Variants in NCAPH observed in about 807,000 individuals in gnomAD.
NCAPH encodes condensin complex subunit 2.
Under a neutral mutation model 85.5 loss-of-function variants are expected in NCAPH, and 38 were observed. That is an observed-to-expected ratio of 0.44 (90% confidence interval 0.34 to 0.58). The LOEUF is 0.58. Ranked by LOEUF, NCAPH falls within the 20% of genes least tolerant of loss-of-function variation. NCAPH has a pLI of 0.01. For missense variants in NCAPH, 789 were observed against 916.6 expected (o/e 0.86, Z 1.80); for synonymous variants, 301 against 335.1 (o/e 0.90, Z 1.11).
intron 1 of NCAPH, 48 bp from the exon 2 acceptor site, chr2:96,341,594 A>G (rs755019505): frequency 3.3e-5 from 53 of 1,582,586 alleles, no homozygotes; most frequent in Non-Finnish European, 4.1e-5. Context: ...TTCTTTGGAT[A>G]TAGGAAATGT....
chr2:96,345,854 C>A (rs950057317), intron 6 of NCAPH, among the ~76,000 whole-genome samples: 1 of 152,100 alleles, frequency 6.6e-6, no homozygotes, highest in Non-Finnish European at 1.5e-5. Flanking sequence ...TCTTGTGGAT[C>A]TGAAATTTTT....
At chr2:96,347,875 G>A (rs372678105) in intron 6 of NCAPH, among the ~76,000 whole-genome samples, 5 of 152,182 alleles carry the variant, frequency 3.3e-5, no homozygotes, top group South Asian at 2.1e-4. Context: ...TGCTGTGCAC[G>A]GGCAGGGAGG....
chr2:96,357,391 A>G (rs1328282314), intron 9 of NCAPH, among the ~76,000 whole-genome samples: 4 of 152,200 alleles, frequency 2.6e-5, no homozygotes, highest in African/African-American at 9.7e-5. Flanking sequence ...GAGTGGTGAA[A>G]TTGGGACTGG....
intron 6 of NCAPH, among the ~76,000 whole-genome samples, 164 bp from the exon 7 acceptor site, chr2:96,351,667 C>CAA (rs368668931): frequency 3.3e-4 from 18 of 54,120 alleles, no homozygotes; most frequent in Non-Finnish European, 5.2e-4. Flanking sequence ...GACTCCATCT[C>CAA]AAAAAAAAAA....
intron 1 of NCAPH, among the ~76,000 whole-genome samples, chr2:96,339,515 C>T (rs2064262146): frequency 6.6e-6 from 1 of 151,218 alleles, no homozygotes; most frequent in African/African-American, 2.4e-5. Context: ...TTGCTTGAAC[C>T]TGGGAGGCGG....
rs1375398561 is a variant in NCAPH at position 96,376,981 on chromosome 2, C to T, written c.*3630C>T. On this transcript the variant is annotated 3_prime_UTR_variant, in exon 18 of 18. Coordinates refer to ENST00000240423, the MANE Select transcript of NCAPH (RefSeq NM_015341.5). The stretch of plus-strand genomic sequence containing the variant: ...TGGATACCCCATTCTCTGTGATGTG[C>T]TTATTTCACATTGCATGCCTGTATC... Among the ~76,000 whole-genome samples the T allele has an allele frequency of 6.6e-6, 1 of 151,964 alleles. No individual in the cohort carries two copies. The highest frequency in any genetic ancestry group is 1.9e-4 in the East Asian group (1 of 5,186).
intron 6 of NCAPH, among the ~76,000 whole-genome samples, chr2:96,348,711 A>G (rs900748359): frequency 3.3e-5 from 5 of 151,868 alleles, no homozygotes; most frequent in Non-Finnish European, 5.9e-5. Flanking sequence ...GCTGGAGTGC[A>G]GTGGCACGAT....
chr2:96,368,692 C>T (rs1315536869), intron 15 of NCAPH, among the ~76,000 whole-genome samples: 1 of 151,864 alleles, frequency 6.6e-6, no homozygotes, highest in Non-Finnish European at 1.5e-5. Context: ...TTTATTACTG[C>T]TTTTTTTTCT....
At chr2:96,371,357 C>T (rs1203728474) in intron 17 of NCAPH, among the ~76,000 whole-genome samples, 2 of 152,168 alleles carry the variant, frequency 1.3e-5, no homozygotes, top group African/African-American at 2.4e-5. Context: ...TGCTTTCGCT[C>T]ATCAGCCCCA....
At chr2:96,342,527 G>A (rs1029327865) in intron 3 of NCAPH, among the ~76,000 whole-genome samples, 7 of 152,110 alleles carry the variant, frequency 4.6e-5, no homozygotes, top group Non-Finnish European at 7.4e-5. Context: ...CTTAGAGCAG[G>A]GCCTGCACAC....
intron 5 of NCAPH, among the ~76,000 whole-genome samples, chr2:96,343,520 T>C (rs972076133): frequency 5.3e-5 from 8 of 152,208 alleles, no homozygotes; most frequent in Admixed American, 2.0e-4. Flanking sequence ...AAAGCGTTTA[T>C]ATTTTATTTA....
At chr2:96,367,137 G>A in intron 14 of NCAPH, 120 bp from the exon 15 acceptor site, 1 of 648,584 alleles carries the variant, frequency 1.5e-6, no homozygotes, top group South Asian at 1.7e-5. Flanking sequence ...GAGCTCTGTA[G>A]CTCCTTGGTT....
chr2:96,352,987 T>C (rs899874035), intron 7 of NCAPH, among the ~76,000 whole-genome samples: 2 of 152,234 alleles, frequency 1.3e-5, no homozygotes, highest in African/African-American at 4.8e-5. Context: ...TTCCCAGCTA[T>C]AGCATAGGTC....
chr2:96,347,190 A>T (rs1222475258), intron 6 of NCAPH, among the ~76,000 whole-genome samples: 4 of 151,938 alleles, frequency 2.6e-5, no homozygotes, highest in Non-Finnish European at 5.9e-5. Flanking sequence ...GACGGCTGTG[A>T]AGAGAAAGCA....
At chr2:96,360,379 C>T in intron 11 of NCAPH, 130 bp downstream of exon 11, 2 of 798,404 alleles carry the variant, frequency 2.5e-6, no homozygotes, top group Non-Finnish European at 4.0e-6. Flanking sequence ...CTTAAACGCA[C>T]TATTAAGAAA....
At chr2:96,354,419 A>G (rs758047134) in intron 9 of NCAPH, 31 bp downstream of exon 9, 21 of 1,449,058 alleles carry the variant, frequency 1.4e-5, no homozygotes, top group East Asian at 2.6e-5. Context: ...AAGTGTTTCT[A>G]TAGGAGTTTT....
chr2:96,364,682 CTG>C, intron 13 of NCAPH, 91 bp downstream of exon 13: 2 of 914,682 alleles, frequency 2.2e-6, no homozygotes, highest in South Asian at 3.0e-5. Flanking sequence ...TGGTGGGAGA[CTG>C]TTGGCAATTT....
chr2:96,348,405 G>C (rs192874996), intron 6 of NCAPH, among the ~76,000 whole-genome samples: 124 of 152,044 alleles, frequency 8.2e-4, no homozygotes, highest in African/African-American at 2.5e-3. Context: ...TAGCCAGGAT[G>C]GTCTTGATCT....
intron 1 of NCAPH, among the ~76,000 whole-genome samples, chr2:96,338,776 G>T (rs1558787117): frequency 6.6e-6 from 1 of 152,208 alleles, no homozygotes; most frequent in Admixed American, 6.5e-5. Flanking sequence ...CTCCACAGCT[G>T]CAAGAGAACA....
Sources: allele counts gnomAD v4.1 joint callset (sites outside exome capture counted in the v4.1 genomes callset), GRCh38; gene constraint gnomAD v4.1.1; transcripts MANE v1.5; gene names NCBI Gene and HGNC (gene_info 2026-07-23, HGNC 2026-07-21).